Variants in NBPF9 observed in about 807,000 individuals in gnomAD.
NBPF9 encodes NBPF family member NBPF9.
In NBPF9, 91 loss-of-function variants were observed where a neutral mutation model predicts 97.8. The observed-to-expected ratio is 0.93, with a 90% confidence interval of 0.79 to 1.11. The LOEUF is 1.11. NBPF9 is among the 50% of genes least tolerant of loss of function. The probability of loss-of-function intolerance (pLI) is 0.00; values close to 1 mark genes in which losing one functional copy is unlikely to be tolerated. For missense variants in NBPF9, 992 were observed against 939.5 expected (o/e 1.06, Z -0.73); for synonymous variants, 334 against 359.5 (o/e 0.93, Z 0.80).
chr1:149,101,281 G>A (rs2082129537), exon 3 of NBPF9: 2 of 148,176 alleles, frequency 1.3e-5, no homozygotes, highest in Admixed American at 1.3e-4. Context: ...CCAGCTACTT[G>A]GGGGCTGAGG....
At chr1:149,064,205 G>A (rs1360902860) in intron 19 of NBPF9, among the ~76,000 whole-genome samples, 43 of 132,892 alleles carry the variant, frequency 3.2e-4, no homozygotes, top group East Asian at 2.9e-3. Context: ...TGAGAATACA[G>A]CTTTTGAGGT....
At chr1:149,062,160 G>A (rs587771732) in exon 22 of NBPF9, 1 of 938,938 alleles carries the variant, frequency 1.1e-6, no homozygotes, top group Admixed American at 1.7e-5. Flanking sequence ...TGTAGGGCTG[G>A]CCTAAGTCAG....
chr1:149,070,835 T>G, intron 16 of NBPF9, 99 bp downstream of exon 16: 2 of 1,413,396 alleles, frequency 1.4e-6, no homozygotes, highest in South Asian at 2.3e-5. Context: ...CCCATCACAG[T>G]TTTTTATTCA....
intron 16 of NBPF9, among the ~76,000 whole-genome samples, chr1:149,070,580 T>C (rs2079325535): frequency 2.7e-5 from 4 of 150,792 alleles, no homozygotes; most frequent in Admixed American, 1.3e-4. Flanking sequence ...GCTGCCAGCT[T>C]CCTTAAACAG....
intron 21 of NBPF9, among the ~76,000 whole-genome samples, chr1:149,062,582 A>G (rs587596985): frequency 7.2e-6 from 1 of 139,592 alleles, no homozygotes; most frequent in East Asian, 2.2e-4. Context: ...AGTGATCATG[A>G]AAAGAGTGGG....
At chr1:149,070,290 C>T (rs2079295334) in intron 16 of NBPF9, among the ~76,000 whole-genome samples, 1 of 144,376 alleles carries the variant, frequency 6.9e-6, no homozygotes, top group African/African-American at 2.6e-5. Context: ...CACTGTACTC[C>T]AGCCTGGGTG....
chr1:149,083,201 T>C (rs1272313207), intron 5 of NBPF9, among the ~76,000 whole-genome samples: 2 of 142,008 alleles, frequency 1.4e-5, no homozygotes, highest in Non-Finnish European at 3.1e-5. Context: ...TAATATCCTA[T>C]TGATTGTATG....
At chr1:149,064,024 A>T in intron 19 of NBPF9, among the ~76,000 whole-genome samples, 1 of 121,680 alleles carries the variant, frequency 8.2e-6, no homozygotes, top group African/African-American at 3.1e-5. Context: ...ACAGACACAC[A>T]CACACACACA....
At chr1:149,079,785 C>A (rs1437991554) in intron 8 of NBPF9, among the ~76,000 whole-genome samples, 9 of 151,956 alleles carry the variant, frequency 5.9e-5, no homozygotes, top group African/African-American at 1.7e-4. Context: ...TAGGTGGTTC[C>A]CACTCCTTTG....
chr1:149,079,139 G>A (rs782099863), exon 9 of NBPF9: 31 of 1,302,662 alleles, frequency 2.4e-5, no homozygotes, highest in Admixed American at 6.8e-5. Flanking sequence ...TTCAATGAGC[G>A]GGAGGCATCT....
At chr1:149,072,485 T>A (rs1409619307) in intron 14 of NBPF9, among the ~76,000 whole-genome samples, 1 of 152,128 alleles carries the variant, frequency 6.6e-6, no homozygotes, top group Non-Finnish European at 1.5e-5. Flanking sequence ...ATGCTGCCTC[T>A]TGCTCCAAAG....
intron 8 of NBPF9, 123 bp from the exon 9 acceptor site, chr1:149,079,344 G>A (rs2080200550): frequency 4.7e-6 from 5 of 1,072,238 alleles, no homozygotes; most frequent in Admixed American, 1.7e-5. Flanking sequence ...GTCAGCACAT[G>A]TTGAAAGGAA....
At chr1:149,074,329 C>A (rs1458773618) in intron 12 of NBPF9, among the ~76,000 whole-genome samples, 5 of 151,254 alleles carry the variant, frequency 3.3e-5, no homozygotes, top group African/African-American at 7.3e-5. Flanking sequence ...TTTTTTAAAT[C>A]TTTGATTTTT....
At chr1:149,098,088 G>A (rs1179705583) in intron 4 of NBPF9, among the ~76,000 whole-genome samples, 11 of 151,588 alleles carry the variant, frequency 7.3e-5, no homozygotes, top group Non-Finnish European at 8.8e-5. Context: ...CAGGTGAAAG[G>A]GGACGGCAGG....
chr1:149,063,528 G>T, intron 20 of NBPF9, 105 bp downstream of exon 20: 2 of 700,328 alleles, frequency 2.9e-6, no homozygotes, highest in South Asian at 1.6e-5. Context: ...GGTCCTCCCT[G>T]TGGCAATGAC....
Position 149,079,200 on chromosome 1 carries a change from G to A in NBPF9, c.300C>T (p.His100=), listed in dbSNP as rs1214222768. ...ACTGCGTCAGCTCTCGTTCCTGAGA[G>A]TGAACCAGGACTTTATATTGCCTAA... The change falls in exon 9 of 30, where the codon CAC becomes CAT. Residue 100 remains histidine, a synonymous_variant. Transcript: ENST00000584027. The A allele has an allele frequency of 1.3e-5, 13 of 992,554 alleles. No homozygotes were observed. In the African/African-American group the frequency reaches 1.6e-4, roughly 12 times the overall value. 61.5% of individuals were successfully genotyped at this position (992,554 alleles called of 1,614,324 possible).
intron 17 of NBPF9, among the ~76,000 whole-genome samples, chr1:149,067,326 A>C (rs1169753858): frequency 8.3e-6 from 1 of 120,432 alleles, no homozygotes; most frequent in Non-Finnish European, 1.8e-5. Flanking sequence ...ATATATTTTT[A>C]ATACTTTAAG....
intron 12 of NBPF9, 62 bp downstream of exon 12, chr1:149,075,593 T>A: frequency 7.2e-7 from 1 of 1,395,614 alleles, no homozygotes; most frequent in Non-Finnish European, 1.0e-6. Context: ...AGCACTTAGT[T>A]CCTCAGAGAG....
At position 149,075,671 on chromosome 1, in the gene NBPF9, G is replaced by T. The variant is rs1230580498; in HGVS notation, c.972C>A (p.Asn324Lys). 3.7e-6 allele frequency: 6 copies of T among 1,609,984 alleles called. No individual in the cohort carries two copies. In the African/African-American group the frequency reaches 8.0e-5, roughly 21 times the overall value. The change falls in exon 12 of 30, where the codon AAC (asparagine) becomes AAA (lysine). Residue 324 changes from asparagine to lysine, a missense_variant. Asn to Lys is a moderately conservative substitution (Grantham distance 94, BLOSUM62 0). Transcript: ENST00000584027. ...AGATCTTACTGTATTTGTTCTGCTGGTTGGCCAGGAAGCCGGCCAGTTGAG... is the reference window on the plus strand; with the variant it reads ...AGATCTTACTGTATTTGTTCTGCTGTTTGGCCAGGAAGCCGGCCAGTTGAG...
Sources: allele counts gnomAD v4.1 joint callset (sites outside exome capture counted in the v4.1 genomes callset), GRCh38; gene constraint gnomAD v4.1.1; transcripts MANE v1.5; gene names NCBI Gene and HGNC (gene_info 2026-07-23, HGNC 2026-07-21).